The following TRAPPC9 variants were observed in gnomAD, a reference collection of about 807,000 sequenced individuals.
TRAPPC9 encodes the protein trafficking protein particle complex subunit 9.
In TRAPPC9, 83 loss-of-function variants were observed where a neutral mutation model predicts 124.0. That is an observed-to-expected ratio of 0.67 (90% CI 0.56 to 0.80). The LOEUF is 0.80. Among genes scored for constraint, TRAPPC9 ranks in the 30% least tolerant of loss-of-function variants. The probability of loss-of-function intolerance (pLI) is 0.00; values close to 1 mark genes in which losing one functional copy is unlikely to be tolerated. For synonymous variants in TRAPPC9, 638 were observed against 617.5 expected (o/e 1.03, Z -0.49); for missense variants, 1,302 against 1,508.3 (o/e 0.86, Z 2.27).
At chr8:139,901,843 C>T (rs890159334) in intron 20 of TRAPPC9, among the ~76,000 whole-genome samples, 19 of 152,220 alleles carry the variant, frequency 1.2e-4, no homozygotes, top group Non-Finnish European at 1.8e-4. Context: ...GAGGTGACCT[C>T]GCTGGGCCTC....
chr8:140,341,363 T>C (rs1202760708), intron 9 of TRAPPC9, among the ~76,000 whole-genome samples: 1 of 152,124 alleles, frequency 6.6e-6, no homozygotes, highest in East Asian at 1.9e-4. Flanking sequence ...CCCACGTGTC[T>C]GCTTAACTTA....
chr8:140,210,603 C>A (rs1036820520), intron 17 of TRAPPC9, among the ~76,000 whole-genome samples: 1 of 152,050 alleles, frequency 6.6e-6, no homozygotes, highest in Non-Finnish European at 1.5e-5. Context: ...ATTCCCTGTA[C>A]CCGCACCCCC....
intron 19 of TRAPPC9, 80 bp from the exon 20 acceptor site, chr8:139,910,380 A>G: frequency 4.5e-6 from 6 of 1,332,674 alleles, no homozygotes. Flanking sequence ...AGCACATGCC[A>G]GCGTGAGACA....
At chr8:139,977,643 C>T (rs535677675) in intron 19 of TRAPPC9, among the ~76,000 whole-genome samples, 50 of 118,416 alleles carry the variant, frequency 4.2e-4, no homozygotes, top group African/African-American at 1.5e-3. Flanking sequence ...ATGCTGAATA[C>T]GATCAAGCCT....
In TRAPPC9 at chr8:139,760,075, C is replaced by T. The variant is rs532945384; in HGVS notation, c.3056-27873G>A. On this transcript the variant is annotated intron_variant, in intron 21 of 22. Coordinates refer to ENST00000438773, the MANE Select transcript of TRAPPC9 (RefSeq NM_001160372.4). ...ATGCACATGCATGTGTGCGTTTGTG[C>T]ACAGTGTGCTGTGTGTTGTGAGTGT... is the stretch of plus-strand genomic sequence containing the variant. Among the ~76,000 whole-genome samples the T allele has an allele frequency of 1.4e-4, 21 of 152,348 alleles. No individual in the cohort carries two copies. In the East Asian group the frequency reaches 4.0e-3, roughly 29 times the overall value.
chr8:140,010,579 A>G (rs1382466010), intron 18 of TRAPPC9, among the ~76,000 whole-genome samples: 1 of 152,228 alleles, frequency 6.6e-6, no homozygotes, highest in Non-Finnish European at 1.5e-5. Context: ...ATGTTCAGTA[A>G]ACATAAAGAT....
intron 18 of TRAPPC9, among the ~76,000 whole-genome samples, chr8:140,018,768 G>T (rs1222065803): frequency 2.6e-5 from 4 of 152,142 alleles, no homozygotes; most frequent in Non-Finnish European, 5.9e-5. Flanking sequence ...AAAGACATGT[G>T]AATAATAATA....
chr8:140,202,606 T>C (rs1488568455), intron 17 of TRAPPC9, among the ~76,000 whole-genome samples: 2 of 152,202 alleles, frequency 1.3e-5, no homozygotes, highest in Non-Finnish European at 2.9e-5. Context: ...AGGCAAAGAT[T>C]ATCCATTGAT....
intron 21 of TRAPPC9, among the ~76,000 whole-genome samples, chr8:139,749,358 C>T (rs1819162103): frequency 6.6e-6 from 1 of 152,222 alleles, no homozygotes; most frequent in Non-Finnish European, 1.5e-5. Context: ...GGCCTTGGCC[C>T]TTCAATGGCT....
intron 20 of TRAPPC9, among the ~76,000 whole-genome samples, chr8:139,905,873 T>C (rs898022615): frequency 1.7e-4 from 26 of 151,818 alleles, no homozygotes; most frequent in African/African-American, 4.6e-4. Context: ...GGCGGGCGGA[T>C]CACGAGGTCA....
intron 17 of TRAPPC9, among the ~76,000 whole-genome samples, chr8:140,072,921 G>GA (rs968657821): frequency 7.9e-5 from 12 of 152,272 alleles, no homozygotes; most frequent in Admixed American, 7.2e-4. Context: ...CTTCAGAAAG[G>GA]AAAATATATG....
At chr8:140,338,097 T>A (rs373774624) in intron 9 of TRAPPC9, among the ~76,000 whole-genome samples, 8 of 152,314 alleles carry the variant, frequency 5.3e-5, no homozygotes, top group East Asian at 1.9e-4. Context: ...CTAAAAAAAA[T>A]TATTAATTTG....
chr8:139,758,541 G>A (rs990088781), intron 21 of TRAPPC9, among the ~76,000 whole-genome samples: 3 of 152,182 alleles, frequency 2.0e-5, no homozygotes, highest in African/African-American at 7.2e-5. Context: ...CAGGGGATGG[G>A]GATGCAGACA....
chr8:140,381,889 G>C (rs1646118271), intron 7 of TRAPPC9, among the ~76,000 whole-genome samples: 1 of 152,114 alleles, frequency 6.6e-6, no homozygotes, highest in Admixed American at 6.5e-5. Context: ...CTTTGGAAAA[G>C]TTTCACAGTT....
intron 17 of TRAPPC9, among the ~76,000 whole-genome samples, chr8:140,073,432 G>A (rs1471261221): frequency 2.6e-5 from 4 of 152,186 alleles, no homozygotes; most frequent in African/African-American, 9.7e-5. Context: ...ATTATACTGA[G>A]CAAAGAAGCA....
chr8:140,243,095 C>G (rs576119943), intron 16 of TRAPPC9, among the ~76,000 whole-genome samples: 1 of 152,312 alleles, frequency 6.6e-6, no homozygotes, highest in East Asian at 1.9e-4. Flanking sequence ...CAGATCGCAG[C>G]CCAGCGCCCA....
intron 17 of TRAPPC9, among the ~76,000 whole-genome samples, chr8:140,044,125 A>C (rs1182155459): frequency 6.6e-6 from 1 of 152,140 alleles, no homozygotes; most frequent in African/African-American, 2.4e-5. Context: ...CGGTCAAGCC[A>C]AGGCTGACCC....
At chr8:140,186,774 T>C (rs1293326864) in intron 17 of TRAPPC9, among the ~76,000 whole-genome samples, 4 of 152,198 alleles carry the variant, frequency 2.6e-5, no homozygotes, top group African/African-American at 7.2e-5. Flanking sequence ...TGAGTGGGAA[T>C]GTACAGCTGG....
At chr8:140,120,819 ACATC>A (rs201792498) in intron 17 of TRAPPC9, among the ~76,000 whole-genome samples, 2,130 of 143,690 alleles carry the variant, frequency 0.015, 43 homozygotes, top group African/African-American at 0.053. Context: ...CATCCATCTA[ACATC>A]CATCCATCCA....
Sources: allele counts gnomAD v4.1 joint callset (sites outside exome capture counted in the v4.1 genomes callset), GRCh38; gene constraint gnomAD v4.1.1; transcripts MANE v1.5; gene names NCBI Gene and HGNC (gene_info 2026-07-23, HGNC 2026-07-21).